The following AFG2A variants were observed in gnomAD, a reference collection of about 807,000 sequenced individuals.
The protein encoded by AFG2A is AAA ATPase AFG2A.
At chr4:123,200,815 A>G in the AFG2A span, among the ~76,000 whole-genome samples, 1 of 152,236 alleles carries the variant, frequency 6.6e-6, no homozygotes, top group African/African-American at 2.4e-5. Context: ...AAGTAAATAA[A>G]TCACAGCCTT....
the AFG2A span, among the ~76,000 whole-genome samples, chr4:123,102,700 A>G: frequency 6.6e-6 from 1 of 151,776 alleles, no homozygotes; most frequent in African/African-American, 2.4e-5. Flanking sequence ...TATATGTTGA[A>G]TGTTTTAAAG....
At chr4:123,205,956 C>T in the AFG2A span, among the ~76,000 whole-genome samples, 1 of 152,086 alleles carries the variant, frequency 6.6e-6, no homozygotes. Context: ...AAATTCTAAC[C>T]AGGAACCCAT....
the AFG2A span, among the ~76,000 whole-genome samples, chr4:122,966,954 A>G: frequency 6.6e-6 from 1 of 152,178 alleles, no homozygotes; most frequent in South Asian, 2.1e-4. Context: ...AAGAGTGCCC[A>G]TGAAAGAGTA....
At chr4:123,226,425 T>C in the AFG2A span, among the ~76,000 whole-genome samples, 131 of 152,204 alleles carry the variant, frequency 8.6e-4, no homozygotes, top group Non-Finnish European at 1.3e-3. Flanking sequence ...GCATGAAGGG[T>C]TGTTGAATTT....
At chr4:123,056,336 T>C in the AFG2A span, 32 of 1,540,522 alleles carry the variant, frequency 2.1e-5, no homozygotes, top group African/African-American at 4.2e-5. Context: ...GGAAGAAATA[T>C]ACATGATTGC....
the AFG2A span, among the ~76,000 whole-genome samples, chr4:122,943,696 T>G: frequency 6.6e-6 from 1 of 152,192 alleles, no homozygotes; most frequent in Non-Finnish European, 1.5e-5. Context: ...AGCTGGTTAT[T>G]TTGCTCATTA....
chr4:123,124,658 C>A, the AFG2A span, among the ~76,000 whole-genome samples: 2 of 151,970 alleles, frequency 1.3e-5, no homozygotes, highest in Non-Finnish European at 2.9e-5. Flanking sequence ...ACAAAAAAAA[C>A]CATGTTCTTA....
the AFG2A span, among the ~76,000 whole-genome samples, chr4:123,231,455 G>A: frequency 7.9e-4 from 120 of 151,998 alleles, no homozygotes; most frequent in East Asian, 0.022. Flanking sequence ...GCCTTGCTTT[G>A]GATTAGGCTT....
chr4:123,027,892 A>G, the AFG2A span, among the ~76,000 whole-genome samples: 1 of 152,184 alleles, frequency 6.6e-6, no homozygotes, highest in African/African-American at 2.4e-5. Flanking sequence ...CGTAACTTCT[A>G]AATCTTTCTA....
the AFG2A span, chr4:122,979,432 T>G: frequency 6.4e-7 from 1 of 1,568,100 alleles, no homozygotes; most frequent in South Asian, 1.2e-5. Context: ...TGAATTAAAC[T>G]CTGAAAAAAA....
the AFG2A span, among the ~76,000 whole-genome samples, chr4:123,272,878 A>T: frequency 6.6e-6 from 1 of 152,262 alleles, no homozygotes; most frequent in South Asian, 2.1e-4. Context: ...ATATTCATAG[A>T]ATGGAAGAGA....
chr4:123,137,021 A>G, the AFG2A span, among the ~76,000 whole-genome samples: 1 of 152,124 alleles, frequency 6.6e-6, no homozygotes, highest in Admixed American at 6.5e-5. Context: ...TTCACTTCAG[A>G]TCAGGCATTA....
chr4:123,109,511 A>G, the AFG2A span, among the ~76,000 whole-genome samples: 1,639 of 152,256 alleles, frequency 0.011, 34 homozygotes, highest in South Asian at 0.096. Context: ...AATTGTTAGA[A>G]CTAAGAAATA....
the AFG2A span, among the ~76,000 whole-genome samples, chr4:123,041,277 ATTTTTT>A: frequency 8.5e-6 from 1 of 118,178 alleles, no homozygotes. Flanking sequence ...CGCCCAGCTA[ATTTTTT>A]TTTTTTTTTT....
chr4:123,007,204 G>A, the AFG2A span, among the ~76,000 whole-genome samples: 1 of 152,058 alleles, frequency 6.6e-6, no homozygotes, highest in Non-Finnish European at 1.5e-5. Flanking sequence ...GACTAAGGCA[G>A]TGTTTTGAAT....
chr4:123,090,826 T>C, the AFG2A span: 4 of 1,379,482 alleles, frequency 2.9e-6, no homozygotes, highest in Non-Finnish European at 3.9e-6. Flanking sequence ...TATTGAAGAA[T>C]GTAAAGCAGG....
At chr4:123,219,075 C>T in the AFG2A span, among the ~76,000 whole-genome samples, 1 of 152,246 alleles carries the variant, frequency 6.6e-6, no homozygotes, top group East Asian at 1.9e-4. Flanking sequence ...TGGGGGAAGA[C>T]AAAAGCTGAT....
chr4:122,983,784 C>A, the AFG2A span, among the ~76,000 whole-genome samples: 1 of 152,154 alleles, frequency 6.6e-6, no homozygotes, highest in African/African-American at 2.4e-5. Context: ...TTGAGAGCCC[C>A]ATAGATGGTT....
the AFG2A span, chr4:122,927,756 G>C: frequency 6.2e-7 from 1 of 1,612,074 alleles, no homozygotes; most frequent in Non-Finnish European, 8.5e-7. Flanking sequence ...CGGAAAGCAA[G>C]AGGTAAGAGT....
Sources: gnomAD v4.1 joint callset for allele counts (sites outside exome capture counted in the v4.1 genomes callset) on GRCh38, gnomAD v4.1.1 for gene constraint, MANE v1.5 for transcripts, NCBI Gene and HGNC (gene_info 2026-07-23, HGNC 2026-07-21) for gene names.